MCM6: variants seen among roughly 807,000 people sequenced by gnomAD.
The protein encoded by MCM6 is DNA replication licensing factor MCM6.
MCM6 carries 46 observed loss-of-function variants against 94.3 expected under a neutral mutation model. The observed-to-expected ratio is 0.49, with a 90% CI of 0.39 to 0.62. The LOEUF is 0.62. MCM6 is among the 20% of genes least tolerant of loss of function. MCM6 has a pLI of 0.00. For missense variants in MCM6, 865 were observed against 1,017.9 expected (o/e 0.85, Z 2.04); for synonymous variants, 335 against 351.9 (o/e 0.95, Z 0.54).
In MCM6 at chr2:135,840,143, A is replaced by AGGTAATT. The variant is rs1256131043; in HGVS notation, c.*691_*692insAATTACC. On this transcript the variant is annotated 3_prime_UTR_variant, in exon 17 of 17. Coordinates refer to ENST00000264156, the MANE Select transcript of MCM6 (RefSeq NM_005915.6). ...AAAAAGCAATTTGAAAACAATCCTG[A>AGGTAATT]GAAATTACCCTTAGGACACAGAAGT... The AGGTAATT allele has an allele frequency of 1.1e-4, 16 of 152,236 alleles. No homozygotes were observed. The highest frequency in any genetic ancestry group is 9.8e-4 in the Admixed American group (15 of 15,282). The allele number at this position is 152,236 out of a possible 1,614,324, so 9.4% of individuals were successfully genotyped here. A position where few individuals can be genotyped will look rare whatever the true frequency, so the allele number is the denominator to read the frequency against.
intron 2 of MCM6, among the ~76,000 whole-genome samples, chr2:135,871,839 T>C (rs1575368887): frequency 6.6e-6 from 1 of 152,356 alleles, no homozygotes. Flanking sequence ...AACTCTGTTG[T>C]AGCAGATCTG....
rs1308035543 is a variant in MCM6 at position 135,876,387 on chromosome 2, C to A, written c.-22G>T. On this transcript the variant is annotated 5_prime_UTR_variant, in exon 1 of 17. Coordinates refer to ENST00000264156, the MANE Select transcript of MCM6 (RefSeq NM_005915.6). ...CCATATTTGCTTAGTGCCGAGGATTCGCCTGCGCCACGCTCGACCGCCACA... is the reference window on the plus strand; with the variant it reads ...CCATATTTGCTTAGTGCCGAGGATTAGCCTGCGCCACGCTCGACCGCCACA... The A allele has an allele frequency of 1.9e-6, 3 of 1,575,270 alleles. No individual in the cohort carries two copies. The highest frequency in any genetic ancestry group is 2.3e-5 in the South Asian group (2 of 88,638).
chr2:135,867,702 C>T (rs1045133716), intron 4 of MCM6, among the ~76,000 whole-genome samples: 10 of 152,086 alleles, frequency 6.6e-5, no homozygotes, highest in Non-Finnish European at 1.0e-4. Context: ...CTCTGTTAAA[C>T]CCATCACGGA....
chr2:135,866,796 T>C (rs1265802568), intron 4 of MCM6, 68 bp from the exon 5 acceptor site: 1 of 1,314,566 alleles, frequency 7.6e-7, no homozygotes, highest in Non-Finnish European at 1.0e-6. Context: ...ATAATCTAAA[T>C]TAAATACCAC....
intron 15 of MCM6, among the ~76,000 whole-genome samples, 159 bp from the exon 16 acceptor site, chr2:135,844,843 T>G (rs981015553): frequency 9.9e-5 from 15 of 152,242 alleles, no homozygotes; most frequent in African/African-American, 3.6e-4. Context: ...TGTTCTAGCA[T>G]AAGCCTGAAA....
chr2:135,868,375 C>T (rs1337649117), intron 4 of MCM6, among the ~76,000 whole-genome samples: 1 of 152,176 alleles, frequency 6.6e-6, no homozygotes, highest in Admixed American at 6.5e-5. Flanking sequence ...TATTCTTTGA[C>T]AAATACATCT....
chr2:135,846,231 C>T lies in MCM6; in HGVS notation c.2209+6G>A. The T allele has an allele frequency of 6.2e-7, 1 of 1,613,644 alleles. No individual in the cohort carries two copies. The highest frequency in any genetic ancestry group is 8.5e-7 in the Non-Finnish European group (1 of 1,179,864). ...GAGCATGTAAGCAGTACCAGGTAAG[C>T]CTCACCTTCTTCCACCTTTCTGAGG... On this transcript the variant is annotated splice_donor_region_variant and intron_variant, in intron 15 of 16. Transcript: ENST00000264156.
Position 135,874,582 on chromosome 2 carries a change from CTGAA to C in MCM6, c.107+1673_107+1676del, listed in dbSNP as rs372708563. 6.6e-5 allele frequency among the ~76,000 whole-genome samples: 10 copies of C among 152,314 alleles called. No individual in the cohort carries two copies. The East Asian group carries it at 1.7e-3, about 26-fold the overall frequency. On this transcript the variant is annotated intron_variant, in intron 1 of 16. Coordinates refer to ENST00000264156, the MANE Select transcript of MCM6 (RefSeq NM_005915.6). ...AAAAGGTGGAATGAACCTGTGTCCA[CTGAA>C]TGGATAAGCAAAATGCAGTATATAT... is the stretch of plus-strand genomic sequence containing the variant.
intron 7 of MCM6, among the ~76,000 whole-genome samples, 170 bp from the exon 8 acceptor site, chr2:135,862,918 GGA>G (rs1680024176): frequency 6.6e-6 from 1 of 152,168 alleles, no homozygotes; most frequent in East Asian, 1.9e-4. Flanking sequence ...CTTGTTCTGT[GGA>G]CTTAGTCACC....
rs1680070148 is a variant in MCM6, at chr2:135,865,272, CAA to C, written c.928-111_928-110del. 2 of 604,384 alleles carry C rather than the reference CAA, an allele frequency of 3.3e-6. 1 individual carries two copies. The allele number at this position is 604,384 out of a possible 1,614,324, so 37.4% of individuals were successfully genotyped here. On this transcript the variant is annotated intron_variant, in intron 6 of 16. Coordinates refer to ENST00000264156, the MANE Select transcript of MCM6 (RefSeq NM_005915.6). ...AACATAGCATGGGAAGTCAACCTCA[CAA>C]TTTATTGACTGTAAAGGTTTAAAAA...
At chr2:135,846,980 G>A (rs1158946321) in intron 14 of MCM6, among the ~76,000 whole-genome samples, 4 of 150,484 alleles carry the variant, frequency 2.7e-5, no homozygotes, top group Non-Finnish European at 5.9e-5. Flanking sequence ...CTCCAGCCTG[G>A]GCAACAAAAG....
chr2:135,841,037 GT>G, intron 16 of MCM6, 86 bp from the exon 17 acceptor site: 1 of 926,520 alleles, frequency 1.1e-6, no homozygotes, highest in Non-Finnish European at 1.7e-6. Flanking sequence ...TCTTCCGAGT[GT>G]TTGCTATCAA....
chr2:135,860,155 C>CA (rs916593731), intron 8 of MCM6, among the ~76,000 whole-genome samples: 6 of 151,096 alleles, frequency 4.0e-5, no homozygotes, highest in Non-Finnish European at 8.8e-5. Flanking sequence ...TTTATTTAGA[C>CA]AGAGTCTTGC....
chr2:135,868,627 A>T lies in MCM6; in HGVS notation c.599T>A (p.Phe200Tyr). Reference sequence around the variant, plus strand: ...AATAAATACCTTTTGAAAATCAACAAATCTTGATTTATTTGTATCCAGTAA... The same window carrying T: ...AATAAATACCTTTTGAAAATCAACATATCTTGATTTATTTGTATCCAGTAA... ...RFLLDTNKSR[F>Y]VDFQKVRIQE... is the part of the protein sequence containing the mutation. Residue 200 changes from phenylalanine to tyrosine, a missense_variant, in exon 4 of 17, where the codon TTT (phenylalanine) becomes TAT (tyrosine). Physicochemically the swap from Phe to Tyr is conservative, Grantham distance 22 (BLOSUM62 3). Coordinates refer to ENST00000264156, the MANE Select transcript of MCM6 (RefSeq NM_005915.6). 1.2e-6 allele frequency: 2 copies of T among 1,614,038 alleles called. No homozygotes were observed. Among genetic ancestry groups the T allele is most frequent in the Non-Finnish European group, 1.7e-6 (2 of 1,179,896 alleles).
Position 135,866,657 on chromosome 2 carries a change from C to T in MCM6, c.687G>A (p.Arg229=), listed in dbSNP as rs1176252636. Residue 229 remains arginine, a synonymous_variant, in exon 5 of 17, where the codon AGG becomes AGA. Coordinates refer to ENST00000264156, the MANE Select transcript of MCM6 (RefSeq NM_005915.6). ...CTTGAGCTGATTCCACAGCTTCAGC[C>T]CTTAAAATTACTTCTAAACTGCGGG... The part of the protein sequence containing the change: ...SIPRSLEVIL[R]AEAVESAQAG... The T allele has an allele frequency of 6.2e-7, 1 of 1,614,096 alleles. No homozygotes were observed. The highest frequency in any genetic ancestry group is 8.5e-7 in the Non-Finnish European group (1 of 1,179,992).
intron 6 of MCM6, among the ~76,000 whole-genome samples, 197 bp downstream of exon 6, chr2:135,865,935 C>T (rs144370954): frequency 6.6e-6 from 1 of 152,200 alleles, no homozygotes; most frequent in East Asian, 1.9e-4. Flanking sequence ...GACCTCATCT[C>T]TAAAAAAGTT....
chr2:135,864,949 C>T (rs1451332331), intron 7 of MCM6, 64 bp downstream of exon 7: 2 of 1,229,934 alleles, frequency 1.6e-6, no homozygotes, highest in African/African-American at 3.1e-5. Flanking sequence ...CAGAAATCAC[C>T]TGTGGCTGTT....
intron 13 of MCM6, among the ~76,000 whole-genome samples, chr2:135,848,799 C>T (rs56399630): frequency 4.6e-5 from 7 of 152,066 alleles, no homozygotes; most frequent in East Asian, 1.9e-4. Context: ...AAAGAAGAAT[C>T]GCTTGAACCT....
chr2:135,854,718 C>CA (rs893531828), intron 11 of MCM6, among the ~76,000 whole-genome samples: 1 of 151,704 alleles, frequency 6.6e-6, no homozygotes, highest in African/African-American at 2.4e-5. Context: ...ACAAAAAACT[C>CA]AAAAGTCAGC....
Sources: gnomAD v4.1 joint callset for allele counts (sites outside exome capture counted in the v4.1 genomes callset) on GRCh38, gnomAD v4.1.1 for gene constraint, MANE v1.5 for transcripts, NCBI Gene and HGNC (gene_info 2026-07-23, HGNC 2026-07-21) for gene names.